The following ERC1 variants were observed in gnomAD, a reference collection of about 807,000 sequenced individuals.
The protein encoded by ERC1 is ELKS/RAB6-interacting/CAST family member 1.
A neutral mutation model predicts 132.0 loss-of-function variants in ERC1; 56 were observed. The ratio of observed to expected loss-of-function variants is 0.42; its 90% CI spans 0.34 to 0.53. ERC1 has a LOEUF of 0.53. Among genes scored for constraint, ERC1 ranks in the 20% least tolerant of loss-of-function variants. The pLI, the probability that ERC1 is intolerant of heterozygous loss-of-function variation, is 0.03. For synonymous variants in ERC1, 478 were observed against 476.1 expected (o/e 1.00, Z -0.05); for missense variants, 1,202 against 1,349.9 (o/e 0.89, Z 1.72).
chr12:1,425,459 T>C (rs1403312269), intron 17 of ERC1, among the ~76,000 whole-genome samples: 3 of 152,342 alleles, frequency 2.0e-5, no homozygotes, highest in East Asian at 3.9e-4. Flanking sequence ...CCTGAATCTC[T>C]GACTGTCCTA....
In ERC1 at chr12:1,108,449, G is replaced by C. The variant is rs554032159; in HGVS notation, c.1162-1743G>C. 3.9e-5 allele frequency among the ~76,000 whole-genome samples: 6 copies of C among 152,244 alleles called. No homozygotes were observed. The East Asian group carries it at 1.2e-3, about 29-fold the overall frequency. On this transcript the variant is annotated intron_variant, in intron 4 of 18. Transcript: ENST00000360905. Reference sequence around the variant, plus strand: ...GCTGGAGATACACTTCCCTCTTTCAGCTGGTCCAGTTTCATTACCACTCAG... The same window carrying C: ...GCTGGAGATACACTTCCCTCTTTCACCTGGTCCAGTTTCATTACCACTCAG...
chr12:1,292,398 C>A (rs1287281536), intron 15 of ERC1, among the ~76,000 whole-genome samples: 4 of 151,796 alleles, frequency 2.6e-5, no homozygotes, highest in Non-Finnish European at 4.4e-5. Flanking sequence ...TCATTGGGAG[C>A]TTAAAAAATA....
chr12:1,083,368 G>A lies in ERC1; in HGVS notation c.874G>A (p.Glu292Lys), dbSNP rs1259672785. ...FLLRKTLEEM[E>K]LRIETQKQTL... ...TCTTCGAAAGACATTGGAGGAAATG[G>A]AGCTGCGTATTGAGACTCAAAAGCA... The change falls in exon 3 of 19, where the codon GAG (glutamate) becomes AAG (lysine). Residue 292 changes from glutamate (E) to lysine (K), a missense_variant. Glu to Lys is a moderately conservative substitution (Grantham distance 56). Transcript: ENST00000360905. 2 of 1,614,062 alleles carry A rather than the reference G, an allele frequency of 1.2e-6. No individual in the cohort carries two copies. The highest frequency in any genetic ancestry group is 2.7e-5 in the African/African-American group (2 of 74,944).
chr12:1,490,312 C>A lies in ERC1; in HGVS notation c.*82C>A. 1 of 1,412,120 alleles carries A rather than the reference C, an allele frequency of 7.1e-7. No homozygotes were observed. Among genetic ancestry groups the A allele is most frequent in the Non-Finnish European group, 9.7e-7 (1 of 1,032,502 alleles). 87.5% of individuals were successfully genotyped at this position (1,412,120 alleles called of 1,614,324 possible). A position where few individuals can be genotyped will look rare whatever the true frequency, so the allele number is the denominator to read the frequency against. On this transcript the variant is annotated 3_prime_UTR_variant, in exon 19 of 19. Coordinates refer to ENST00000360905, the MANE Select transcript of ERC1 (RefSeq NM_178040.4). The stretch of plus-strand genomic sequence containing the variant: ...ACGAGGAACAGGTGCCCGGAACCTT[C>A]TTGGCACCAAACACTACAAACTTCA...
intron 2 of ERC1, among the ~76,000 whole-genome samples, chr12:1,041,409 G>A: frequency 6.6e-6 from 1 of 152,162 alleles, no homozygotes. Flanking sequence ...GTTTTGCCAT[G>A]TTGGCCAGGC....
intron 2 of ERC1, among the ~76,000 whole-genome samples, chr12:1,077,716 C>A (rs552985451): frequency 2.0e-5 from 3 of 152,172 alleles, no homozygotes; most frequent in Non-Finnish European, 4.4e-5. Context: ...CTCGATCTTT[C>A]CTTAAACTCA....
chr12:1,239,012 C>T (rs1388436596), intron 13 of ERC1, among the ~76,000 whole-genome samples: 1 of 152,128 alleles, frequency 6.6e-6, no homozygotes, highest in Admixed American at 6.5e-5. Context: ...ATTCAAATAC[C>T]GTGAAAAGAG....
At chr12:1,226,562 CA>C (rs1290661218) in intron 12 of ERC1, among the ~76,000 whole-genome samples, 1 of 152,218 alleles carries the variant, frequency 6.6e-6, no homozygotes, top group Non-Finnish European at 1.5e-5. Context: ...TGCCCTTTGA[CA>C]AACATCTTCC....
intron 14 of ERC1, among the ~76,000 whole-genome samples, chr12:1,288,397 G>A (rs1217622429): frequency 2.0e-5 from 3 of 152,146 alleles, no homozygotes; most frequent in South Asian, 2.1e-4. Context: ...TTACAGGCAC[G>A]AGCCACAGCG....
At chr12:1,153,763 C>G (rs1178948406) in intron 8 of ERC1, among the ~76,000 whole-genome samples, 1 of 152,160 alleles carries the variant, frequency 6.6e-6, no homozygotes, top group Admixed American at 6.5e-5. Context: ...CTGGGCTTGC[C>G]CTCCTGGGCC....
intron 17 of ERC1, among the ~76,000 whole-genome samples, chr12:1,442,711 C>CTAT (rs1423622220): frequency 2.0e-5 from 3 of 152,084 alleles, no homozygotes; most frequent in South Asian, 4.1e-4. Flanking sequence ...AGGAAATGTG[C>CTAT]TATATGTATT....
intron 8 of ERC1, among the ~76,000 whole-genome samples, chr12:1,176,145 T>C (rs1203574056): frequency 3.3e-5 from 5 of 152,224 alleles, no homozygotes; most frequent in Admixed American, 6.5e-5. Context: ...CCTTACAAGA[T>C]GTATTTCTTA....
At chr12:1,132,299 TA>T (rs1241840764) in intron 7 of ERC1, among the ~76,000 whole-genome samples, 1 of 21,872 alleles carries the variant, frequency 4.6e-5, no homozygotes, top group African/African-American at 5.8e-5. Context: ...ATTTAATAAT[TA>T]GGGGTATGGA....
chr12:1,327,526 C>T (rs962200011), intron 15 of ERC1, among the ~76,000 whole-genome samples: 2 of 152,164 alleles, frequency 1.3e-5, no homozygotes, highest in African/African-American at 4.8e-5. Flanking sequence ...GGTTTTCCTC[C>T]TGTGTCTTTA....
At chr12:1,458,535 CTTT>C (rs767876391) in intron 18 of ERC1, among the ~76,000 whole-genome samples, 6 of 133,812 alleles carry the variant, frequency 4.5e-5, no homozygotes, top group Admixed American at 1.5e-4. Context: ...TATGTATTTT[CTTT>C]TTTTTTTTTT....
At chr12:1,388,100 G>C (rs1047937758) in intron 16 of ERC1, among the ~76,000 whole-genome samples, 4 of 152,062 alleles carry the variant, frequency 2.6e-5, no homozygotes, top group Non-Finnish European at 5.9e-5. Context: ...GGTGGCTCAC[G>C]CTTGTAATCC....
chr12:1,013,365 A>G (rs11609643), intron 1 of ERC1, among the ~76,000 whole-genome samples: 3,748 of 152,212 alleles, frequency 0.025, 76 homozygotes, highest in Non-Finnish European at 0.032. Flanking sequence ...AGAACTTATA[A>G]TTAACTTGAT....
At chr12:1,400,646 G>A (rs2090941228) in intron 16 of ERC1, among the ~76,000 whole-genome samples, 1 of 151,924 alleles carries the variant, frequency 6.6e-6, no homozygotes, top group African/African-American at 2.4e-5. Flanking sequence ...TTCTTTGCAT[G>A]TCTATTTCTA....
chr12:1,358,330 TGA>T (rs2085742351), intron 15 of ERC1, among the ~76,000 whole-genome samples: 1 of 151,938 alleles, frequency 6.6e-6, no homozygotes, highest in Non-Finnish European at 1.5e-5. Flanking sequence ...ATCAACATTA[TGA>T]GTGCCTGCAA....
Sources: gnomAD v4.1 joint callset for allele counts (sites outside exome capture counted in the v4.1 genomes callset) on GRCh38, gnomAD v4.1.1 for gene constraint, MANE v1.5 for transcripts, NCBI Gene and HGNC (gene_info 2026-07-23, HGNC 2026-07-21) for gene names.